ZDHHC11B: variants seen among roughly 807,000 people sequenced by gnomAD.
ZDHHC11B encodes the protein probable palmitoyltransferase ZDHHC11B.
ZDHHC11B carries 17 observed loss-of-function variants against 42.3 expected under a neutral mutation model. The observed-to-expected ratio is 0.40, with a 90% CI of 0.27 to 0.60. The LOEUF is 0.60. Among genes scored for constraint, ZDHHC11B ranks in the 20% least tolerant of loss-of-function variants. The pLI, the probability that ZDHHC11B is intolerant of heterozygous loss-of-function variation, is 0.41. For synonymous variants in ZDHHC11B, 123 were observed against 193.5 expected, an observed-to-expected ratio of 0.64 and a Z score of 3.02; for missense variants, 262 against 463.2, an observed-to-expected ratio of 0.57 and a Z score of 3.99.
intron 8 of ZDHHC11B, among the ~76,000 whole-genome samples, chr5:746,595 C>A (rs1744856933): frequency 6.8e-6 from 1 of 147,288 alleles, no homozygotes; most frequent in African/African-American, 2.5e-5. Flanking sequence ...CCTCCCAGCC[C>A]CGCATGGCTT....
chr5:767,614 A>G, intron 2 of ZDHHC11B, 90 bp from the exon 3 acceptor site: 1 of 1,057,514 alleles, frequency 9.5e-7, no homozygotes, highest in African/African-American at 1.6e-5. Context: ...GGGCTGAGGG[A>G]CCGCCTGGCT....
In ZDHHC11B at chr5:760,367, C is replaced by G. The variant is rs554210546; in HGVS notation, c.223-4223G>C. On this transcript the variant is annotated intron_variant, in intron 4 of 13. Coordinates refer to ENST00000508859, the MANE Select transcript of ZDHHC11B (RefSeq NM_001351303.2). ...TGGCATCTTTACAAAAACGGGAACCCAACGGCAGCAGACACACGCAGAGAA... is the reference window on the plus strand; with the variant it reads ...TGGCATCTTTACAAAAACGGGAACCGAACGGCAGCAGACACACGCAGAGAA... Among the ~76,000 whole-genome samples the G allele has an allele frequency of 1.4e-4, 22 of 151,810 alleles. 2 individuals are homozygous for G. The South Asian group carries it at 4.6e-3, about 32-fold the overall frequency.
intron 4 of ZDHHC11B, among the ~76,000 whole-genome samples, chr5:761,816 A>G (rs1734650274): frequency 3.1e-5 from 1 of 32,516 alleles, no homozygotes; most frequent in Non-Finnish European, 5.0e-5. Context: ...AGACAGGGGG[A>G]CACAAAGTCT....
At chr5:765,636 C>CTTTT (rs1735190370) in intron 4 of ZDHHC11B, among the ~76,000 whole-genome samples, 3 of 151,856 alleles carry the variant, frequency 2.0e-5, no homozygotes, top group Non-Finnish European at 4.4e-5. Flanking sequence ...AAGTTTTGTT[C>CTTTT]TTTTGCTCTT....
intron 11 of ZDHHC11B, chr5:732,475 G>A: frequency 3.1e-6 from 1 of 325,638 alleles, no homozygotes. Context: ...TGGTGGCTGA[G>A]TCTGGGCGGG....
Position 725,110 on chromosome 5 carries a change from C to A in ZDHHC11B, c.1058+5324G>T, listed in dbSNP as rs894225540. Among the ~76,000 whole-genome samples, 2 of 151,380 alleles carry A rather than the reference C, an allele frequency of 1.3e-5. 1 individual carries two copies. Among genetic ancestry groups the A allele is most frequent in the African/African-American group, 4.9e-5 (2 of 40,932 alleles). ...TGGTGTCAGCTCCCGAATGTGGGAC[C>A]CGGATGACAGGATTCGTGAGTGCCT... is the stretch of plus-strand genomic sequence containing the variant. On this transcript the variant is annotated intron_variant, in intron 12 of 13. Coordinates refer to ENST00000508859, the MANE Select transcript of ZDHHC11B (RefSeq NM_001351303.2).
rs4342366 is a variant in ZDHHC11B, at chr5:733,811, A to T, written c.964T>A (p.Tyr322Asn). The part of the protein sequence containing the change: ...GVKAKSSLLI[Y>N]KCPCHFCTSV... ...GTGCAGAAGTGACATGGGCATTTGT[A>T]AATCAGCAGGGAGCTCTTGGCCTTG... is the stretch of plus-strand genomic sequence containing the variant. The change falls in exon 11 of 14, where the codon TAC (tyrosine) becomes AAC (asparagine). Residue 322 changes from tyrosine to asparagine, a missense_variant. Tyr to Asn is a moderately radical substitution (Grantham distance 143). Transcript: ENST00000508859. The T allele has an allele frequency of 1.9e-6, 3 of 1,567,402 alleles. No homozygotes were observed. The highest frequency in any genetic ancestry group is 1.7e-6 in the Non-Finnish European group (2 of 1,158,252).
intron 1 of ZDHHC11B, among the ~76,000 whole-genome samples, chr5:770,159 T>A (rs1324526153): frequency 2.0e-5 from 3 of 150,334 alleles, no homozygotes; most frequent in African/African-American, 7.3e-5. Context: ...CCGGGCCATG[T>A]CCCAGCTGAG....
intron 6 of ZDHHC11B, among the ~76,000 whole-genome samples, chr5:754,242 C>T (rs373626525): frequency 0.022 from 2,176 of 100,138 alleles, 153 homozygotes; most frequent in Admixed American, 0.026. Flanking sequence ...GAGCCTCCAC[C>T]GTGCTCAGGG....
At chr5:720,267 C>T (rs945670046) in intron 12 of ZDHHC11B, among the ~76,000 whole-genome samples, 4 of 151,766 alleles carry the variant, frequency 2.6e-5, no homozygotes, top group Non-Finnish European at 5.9e-5. Flanking sequence ...ATTTTGAAGG[C>T]AGGCAGAGAG....
At chr5:758,351 A>G (rs1734135956) in intron 4 of ZDHHC11B, among the ~76,000 whole-genome samples, 2 of 151,872 alleles carry the variant, frequency 1.3e-5, no homozygotes, top group African/African-American at 2.4e-5. Flanking sequence ...GCTCAGGCTG[A>G]GGATGCCCTC....
intron 1 of ZDHHC11B, among the ~76,000 whole-genome samples, chr5:776,285 C>T (rs1736473786): frequency 6.6e-6 from 1 of 151,860 alleles, no homozygotes; most frequent in Admixed American, 6.6e-5. Flanking sequence ...TGTCCCACGG[C>T]CACAGGTCCC....
At chr5:744,338 C>T (rs1301466294) in intron 9 of ZDHHC11B, among the ~76,000 whole-genome samples, 1 of 149,558 alleles carries the variant, frequency 6.7e-6, no homozygotes, top group Non-Finnish European at 1.5e-5. Flanking sequence ...GGAAGTGTTG[C>T]TTCCTTCTCT....
At chr5:771,783 C>A (rs1399534294) in intron 1 of ZDHHC11B, among the ~76,000 whole-genome samples, 1 of 149,792 alleles carries the variant, frequency 6.7e-6, no homozygotes, top group African/African-American at 2.4e-5. Flanking sequence ...TTCTGGGATG[C>A]TTCAAACTCA....
At chr5:776,933 T>C (rs1434666210) in intron 1 of ZDHHC11B, among the ~76,000 whole-genome samples, 1 of 152,022 alleles carries the variant, frequency 6.6e-6, no homozygotes, top group African/African-American at 2.4e-5. Flanking sequence ...CCCACTCTTC[T>C]CAGCCCAGGC....
At chr5:759,574 T>G (rs1734314379) in intron 4 of ZDHHC11B, among the ~76,000 whole-genome samples, 1 of 151,940 alleles carries the variant, frequency 6.6e-6, no homozygotes, top group African/African-American at 2.4e-5. Flanking sequence ...CAACAGGCCC[T>G]ACAGACGCTG....
chr5:756,604 C>T (rs1386125576), intron 4 of ZDHHC11B, among the ~76,000 whole-genome samples: 4 of 151,726 alleles, frequency 2.6e-5, no homozygotes, highest in African/African-American at 9.7e-5. Flanking sequence ...CCCCAAAACC[C>T]TTTACAGCTT....
In ZDHHC11B at chr5:711,071, T is replaced by TGCTCCCATTTCCCAGTGCTGTGA. The variant is rs1193543563; in HGVS notation, c.*1196_*1218dup. ...ACTGTGCTCCCATTTCCCAATGCTA[T>TGCTCCCATTTCCCAGTGCTGTGA]GCTCCCATTTCCCAGTGCTGTGAGC... On this transcript the variant is annotated 3_prime_UTR_variant, in exon 14 of 14. Transcript: ENST00000508859. 4 of 153,944 alleles carry TGCTCCCATTTCCCAGTGCTGTGA rather than the reference T, an allele frequency of 2.6e-5. No homozygotes were observed. In the Admixed American group the frequency reaches 2.7e-4, roughly 10 times the overall value. 9.5% of individuals were successfully genotyped at this position (153,944 alleles called of 1,614,324 possible). A position where few individuals can be genotyped will look rare whatever the true frequency, so the allele number is the denominator to read the frequency against.
intron 4 of ZDHHC11B, among the ~76,000 whole-genome samples, chr5:764,039 C>G (rs1394246090): frequency 1.3e-5 from 2 of 151,962 alleles, no homozygotes; most frequent in Non-Finnish European, 2.9e-5. Context: ...ATGGCCTTGC[C>G]CATGGCTGAG....
Sources: allele counts gnomAD v4.1 joint callset (sites outside exome capture counted in the v4.1 genomes callset), GRCh38; gene constraint gnomAD v4.1.1; transcripts MANE v1.5; gene names NCBI Gene and HGNC (gene_info 2026-07-23, HGNC 2026-07-21).